HDAC4: variants seen among roughly 807,000 people sequenced by gnomAD.
HDAC4 encodes histone deacetylase A.
A neutral mutation model predicts 135.1 loss-of-function variants in HDAC4; 16 were observed. That is an observed-to-expected ratio of 0.12 (90% CI 0.08 to 0.18). The LOEUF is 0.18. Among genes scored for constraint, HDAC4 ranks in the 10% least tolerant of loss-of-function variants. HDAC4 has a pLI of 1.00. For missense variants in HDAC4, 1,143 were observed against 1,511.8 expected, an observed-to-expected ratio of 0.76 and a Z score of 4.05; for synonymous variants, 685 against 653.4, an observed-to-expected ratio of 1.05 and a Z score of -0.74.
In HDAC4 at chr2:239,125,370, C is replaced by T. The variant is rs957383610; in HGVS notation, c.1533+1086G>A. Among the ~76,000 whole-genome samples the T allele has an allele frequency of 5.3e-5, 8 of 152,314 alleles. No homozygotes were observed. In the South Asian group the frequency reaches 6.2e-4, roughly 12 times the overall value. ...GTGCCCGCTCCCCCTTCGCCTACCACAGTTGAATGTTTCCTCGAGGACTCC... is the reference window on the plus strand; with the variant it reads ...GTGCCCGCTCCCCCTTCGCCTACCATAGTTGAATGTTTCCTCGAGGACTCC... On this transcript the variant is annotated intron_variant, in intron 12 of 26. Coordinates refer to ENST00000543185, the MANE Select transcript of HDAC4 (RefSeq NM_001378414.1).
At position 239,094,994 on chromosome 2, in the gene HDAC4, T is replaced by G. The variant is rs745925527; in HGVS notation, c.2280+16A>C. 7 of 1,613,762 alleles carry G rather than the reference T, an allele frequency of 4.3e-6. No homozygotes were observed. In the South Asian group the frequency reaches 7.7e-5, roughly 18 times the overall value. On this transcript the variant is annotated intron_variant, in intron 17 of 26. Transcript: ENST00000543185. ...GAAGAAACAGGACATTATTTACACA[T>G]TAAAGGAACACTTACCCCAACACCA...
chr2:239,367,734 T>A (rs2125992131), intron 1 of HDAC4, among the ~76,000 whole-genome samples: 1 of 152,312 alleles, frequency 6.6e-6, no homozygotes, highest in Admixed American at 6.5e-5. Flanking sequence ...CTCACACTAA[T>A]CTCAGCACTT....
intron 3 of HDAC4, among the ~76,000 whole-genome samples, chr2:239,199,122 C>T (rs1166925131): frequency 8.3e-6 from 1 of 120,136 alleles, no homozygotes; most frequent in South Asian, 2.9e-4. Flanking sequence ...CCACCACCCC[C>T]ACCCCGATAA....
In HDAC4 at chr2:239,207,762, G is replaced by A. The variant is rs571629802; in HGVS notation, c.95-17685C>T. 5.8e-4 allele frequency among the ~76,000 whole-genome samples: 88 copies of A among 152,228 alleles called. 1 individual carries two copies. The South Asian group carries it at 7.9e-3, about 14-fold the overall frequency. ...TCACAAAAATCATTTTAAAGGCAGC[G>A]ACAGCCACGTTTCAACTAATGGATC... On this transcript the variant is annotated intron_variant, in intron 3 of 26. Transcript: ENST00000543185.
At chr2:239,232,997 C>T (rs1210782079) in intron 3 of HDAC4, among the ~76,000 whole-genome samples, 1 of 152,256 alleles carries the variant, frequency 6.6e-6, no homozygotes, top group Admixed American at 6.5e-5. Context: ...GACAACAACT[C>T]CCAGGAAGGG....
Position 239,051,285 on chromosome 2 carries a change from T to G in HDAC4, c.*1812A>C, listed in dbSNP as rs2030807100. The G allele has an allele frequency of 6.6e-6, 1 of 152,264 alleles. No individual in the cohort carries two copies. Among genetic ancestry groups the G allele is most frequent in the African/African-American group, 2.4e-5 (1 of 41,440 alleles). 9.4% of individuals were successfully genotyped at this position (152,264 alleles called of 1,614,324 possible). A position where few individuals can be genotyped will look rare whatever the true frequency, so the allele number is the denominator to read the frequency against. On this transcript the variant is annotated 3_prime_UTR_variant, in exon 27 of 27. Coordinates refer to ENST00000543185, the MANE Select transcript of HDAC4 (RefSeq NM_001378414.1). ...GACAGACCAGGAAAGACACAATCGT[T>G]GGTGTCACTCCGAAAAGACCTACGG...
intron 24 of HDAC4, among the ~76,000 whole-genome samples, chr2:239,058,934 GTC>G (rs2032271046): frequency 6.6e-6 from 1 of 152,194 alleles, no homozygotes; most frequent in African/African-American, 2.4e-5. Flanking sequence ...CATGTGGAAT[GTC>G]TCTGCAGGCT....
intron 1 of HDAC4, among the ~76,000 whole-genome samples, chr2:239,358,917 C>A (rs1045197369): frequency 6.6e-6 from 1 of 152,194 alleles, no homozygotes; most frequent in African/African-American, 2.4e-5. Context: ...AGGTAAGACA[C>A]TGGTTTCCAA....
At chr2:239,277,739 A>C (rs977079687) in intron 2 of HDAC4, among the ~76,000 whole-genome samples, 5 of 152,188 alleles carry the variant, frequency 3.3e-5, no homozygotes, top group Admixed American at 3.3e-4. Context: ...CAGAACGCCC[A>C]ACAGCGCTTA....
intron 10 of HDAC4, 22 bp downstream of exon 10, chr2:239,134,500 CACACG>C: frequency 6.2e-7 from 1 of 1,613,360 alleles, no homozygotes; most frequent in East Asian, 2.2e-5. Flanking sequence ...CACCCCACAC[CACACG>C]GACCCACGGG....
intron 2 of HDAC4, among the ~76,000 whole-genome samples, chr2:239,282,665 T>C (rs2050865372): frequency 7.8e-6 from 1 of 129,000 alleles, no homozygotes; most frequent in Non-Finnish European, 1.6e-5. Context: ...TACACCCCAC[T>C]CTACAATGTA....
At chr2:239,179,721 C>T (rs1371967172) in intron 4 of HDAC4, among the ~76,000 whole-genome samples, 1 of 152,234 alleles carries the variant, frequency 6.6e-6, no homozygotes, top group Non-Finnish European at 1.5e-5. Context: ...AAAAGGATTA[C>T]ATCGGACGGG....
rs555696740 is a variant in HDAC4, at chr2:239,262,724, C to T, written c.23-26060G>A. Among the ~76,000 whole-genome samples, 16 of 152,324 alleles carry T rather than the reference C, an allele frequency of 1.1e-4. No individual in the cohort carries two copies. The highest frequency in any genetic ancestry group is 4.1e-4 in the South Asian group (2 of 4,824). ...AGGGTGCACACGGCTGAAGGCGCAA[C>T]GGGCACAGGGCATTCTGTGGGCCAC... On this transcript the variant is annotated intron_variant, in intron 2 of 26. Coordinates refer to ENST00000543185, the MANE Select transcript of HDAC4 (RefSeq NM_001378414.1). This position sits in a 1 kb window ranked among gnomAD's most constrained non-coding sequence, Gnocchi z 4.1.
chr2:239,227,307 G>A (rs565709521), intron 3 of HDAC4, among the ~76,000 whole-genome samples: 1 of 152,288 alleles, frequency 6.6e-6, no homozygotes, highest in East Asian at 1.9e-4. Context: ...GCGGACCAGT[G>A]GAAGCTGGCC....
chr2:239,307,976 C>A lies in HDAC4; in HGVS notation c.22+44702G>T, dbSNP rs1332395287. Reference sequence around the variant, plus strand: ...GCAACAGCCAGCAAAGTGTCCCCATCCCCCCCAAAGTGAGCGGCCACACAG... The same window carrying A: ...GCAACAGCCAGCAAAGTGTCCCCATACCCCCCAAAGTGAGCGGCCACACAG... On this transcript the variant is annotated intron_variant, in intron 2 of 26. Coordinates refer to ENST00000543185, the MANE Select transcript of HDAC4 (RefSeq NM_001378414.1). This position sits in a 1 kb window ranked among gnomAD's most constrained non-coding sequence, Gnocchi z 4.8. 6.6e-6 allele frequency among the ~76,000 whole-genome samples: 1 copy of A among 152,104 alleles called. No homozygotes were observed. The highest frequency in any genetic ancestry group is 2.4e-5 in the African/African-American group (1 of 41,406).
intron 1 of HDAC4, among the ~76,000 whole-genome samples, chr2:239,373,852 G>T (rs1212012702): frequency 6.6e-6 from 1 of 152,188 alleles, no homozygotes; most frequent in Non-Finnish European, 1.5e-5. Flanking sequence ...GAGATCCGGG[G>T]TCAATGAGGA....
At chr2:239,269,643 G>A (rs998595884) in intron 2 of HDAC4, among the ~76,000 whole-genome samples, 1 of 152,216 alleles carries the variant, frequency 6.6e-6, no homozygotes, top group Admixed American at 6.5e-5. Flanking sequence ...GAGCCCGTGC[G>A]CTTTCCTAAA....
At chr2:239,085,047 C>G (rs1047613952) in intron 19 of HDAC4, among the ~76,000 whole-genome samples, 44 of 150,202 alleles carry the variant, frequency 2.9e-4, no homozygotes, top group Non-Finnish European at 4.3e-4. Context: ...GACAGACACA[C>G]ACACACACAC....
intron 2 of HDAC4, among the ~76,000 whole-genome samples, chr2:239,317,426 A>G (rs1211350220): frequency 1.3e-5 from 2 of 151,924 alleles, no homozygotes; most frequent in Admixed American, 1.3e-4. Context: ...GCCTTGAGAA[A>G]AAGCTGATTC....
Sources: allele counts gnomAD v4.1 joint callset (sites outside exome capture counted in the v4.1 genomes callset), GRCh38; gene constraint gnomAD v4.1.1; non-coding constraint Gnocchi (gnomAD v3.1); transcripts MANE v1.5; gene names NCBI Gene and HGNC (gene_info 2026-07-23, HGNC 2026-07-21).